The following DNAH14 variants were observed in gnomAD, a reference collection of about 807,000 sequenced individuals.
DNAH14 encodes axonemal beta dynein heavy chain 14.
Under a neutral mutation model 520.9 loss-of-function variants are expected in DNAH14, and 478 were observed. The ratio of observed to expected loss-of-function variants is 0.92; its 90% CI spans 0.85 to 0.99. DNAH14 has a LOEUF of 0.99. Ranked by LOEUF, DNAH14 falls within the 50% of genes least tolerant of loss-of-function variation. DNAH14 has a pLI of 0.00. For missense variants in DNAH14, 4,831 were observed against 5,234.5 expected (o/e 0.92, Z 2.38); for synonymous variants, 1,581 against 1,757.2 (o/e 0.90, Z 2.51).
At chr1:225,122,846 C>A (rs536267198) in intron 26 of DNAH14, among the ~76,000 whole-genome samples, 1 of 152,148 alleles carries the variant, frequency 6.6e-6, no homozygotes, top group Admixed American at 6.5e-5. Flanking sequence ...TACTTCATTT[C>A]AAATATTCAA....
chr1:225,220,352 G>A (rs1387701143), intron 41 of DNAH14, among the ~76,000 whole-genome samples: 1 of 152,138 alleles, frequency 6.6e-6, no homozygotes, highest in Non-Finnish European at 1.5e-5. Context: ...CAAATAGGAA[G>A]AGAGGATGTC....
At position 225,240,746 on chromosome 1, in the gene DNAH14, A is replaced by G. The variant is rs1272328592; in HGVS notation, c.6672A>G (p.Glu2224=). The G allele has an allele frequency of 6.4e-7, 1 of 1,550,584 alleles. No individual in the cohort carries two copies. Among genetic ancestry groups the G allele is most frequent in the Admixed American group, 2.0e-5 (1 of 51,002 alleles). Residue 2224 remains glutamate (E), a synonymous_variant, in exon 43 of 86, where the codon GAA becomes GAG. Transcript: ENST00000682510. The stretch of plus-strand genomic sequence containing the variant: ...ATATACCATTTTGTCCCAGTCTTGA[A>G]CCTGATTCTCTTGCAAAAGTAACAT... ...RENIPFCPSL[E]PDSLAKVTYD...
chr1:225,337,628 T>C, intron 67 of DNAH14, 132 bp downstream of exon 67: 1 of 698,138 alleles, frequency 1.4e-6, no homozygotes, highest in Non-Finnish European at 2.5e-6. Context: ...CACACATATA[T>C]ACTTACAGAC....
chr1:225,371,050 TAAG>T (rs1193559746), intron 77 of DNAH14, among the ~76,000 whole-genome samples: 1 of 152,144 alleles, frequency 6.6e-6, no homozygotes, highest in Non-Finnish European at 1.5e-5. Flanking sequence ...CTCTGAACGT[TAAG>T]AAACAGATAG....
At chr1:225,297,771 A>G (rs12734615) in intron 55 of DNAH14, among the ~76,000 whole-genome samples, 18,693 of 152,178 alleles carry the variant, frequency 0.12, 1,347 homozygotes, top group East Asian at 0.33. Context: ...GAATCAGCCA[A>G]TTTGGGATCT....
chr1:225,277,325 G>A, intron 53 of DNAH14, 85 bp from the exon 54 acceptor site: 1 of 401,240 alleles, frequency 2.5e-6, no homozygotes, highest in African/African-American at 2.1e-5. Flanking sequence ...TCTCCTTTCT[G>A]TAAGTAAATT....
intron 73 of DNAH14, among the ~76,000 whole-genome samples, chr1:225,356,138 T>C (rs551405524): frequency 6.6e-6 from 1 of 152,358 alleles, no homozygotes; most frequent in African/African-American, 2.4e-5. Context: ...CTTTTGGCTA[T>C]TGTGAACAAT....
In DNAH14 at chr1:225,276,011, C is replaced by A; in HGVS notation, c.8108C>A (p.Thr2703Asn). The A allele has an allele frequency of 2.4e-6, 1 of 409,956 alleles. No individual in the cohort carries two copies. The highest frequency in any genetic ancestry group is 1.9e-5 in the South Asian group (1 of 51,676). 25.4% of individuals were successfully genotyped at this position (409,956 alleles called of 1,614,324 possible). Residue 2703 changes from threonine (T) to asparagine (N), a missense_variant, in exon 53 of 86, where the codon ACC becomes AAC. Coordinates refer to ENST00000682510, the MANE Select transcript of DNAH14 (RefSeq NM_001367479.1). ...CATAGAAAAAAGATTTATCAGAATA[C>A]CAGTGACTATAATAAACTTGCCAGT... ...KTHRKKIYQN[T>N]SDYNKLASVL...
At chr1:225,009,035 A>T (rs962033880) in intron 10 of DNAH14, among the ~76,000 whole-genome samples, 1 of 152,070 alleles carries the variant, frequency 6.6e-6, no homozygotes, top group Non-Finnish European at 1.5e-5. Flanking sequence ...TAGATTGTAA[A>T]AATTTTCTCC....
At chr1:225,052,179 T>C (rs1209011752) in intron 17 of DNAH14, among the ~76,000 whole-genome samples, 1 of 152,190 alleles carries the variant, frequency 6.6e-6, no homozygotes, top group Non-Finnish European at 1.5e-5. Flanking sequence ...CTAAGATAAA[T>C]CTTTGAATAC....
chr1:224,973,230 C>T (rs1156972539), intron 7 of DNAH14, among the ~76,000 whole-genome samples: 1 of 152,202 alleles, frequency 6.6e-6, no homozygotes, highest in Non-Finnish European at 1.5e-5. Context: ...CCTCTTTCAG[C>T]CATCTTTGAT....
intron 73 of DNAH14, chr1:225,357,693 A>G (rs948543147): frequency 3.0e-6 from 2 of 673,412 alleles, no homozygotes; most frequent in African/African-American, 1.8e-5. Context: ...TGTGTTAAAC[A>G]TATTGCCAAT....
chr1:225,202,481 G>A (rs1842335), intron 38 of DNAH14, among the ~76,000 whole-genome samples: 4,012 of 152,206 alleles, frequency 0.026, 159 homozygotes, highest in African/African-American at 0.08. Context: ...GGGAAAGCCA[G>A]CAGTCACAGG....
Position 225,377,368 on chromosome 1 carries a change from G to A in DNAH14, c.12648G>A (p.Gln4216=). 1 of 1,551,244 alleles carries A rather than the reference G, an allele frequency of 6.4e-7. No homozygotes were observed. Among genetic ancestry groups the A allele is most frequent in the Non-Finnish European group, 8.7e-7 (1 of 1,146,796 alleles). ...CCATCAGGAGCTGCTGGGAGACCCA[G>A]GGCGAAAAGTTTATTGAAAATCTGA... ...PEAIRSCWET[Q]GEKFIENLIA... Residue 4216 remains glutamine, a synonymous_variant, in exon 79 of 86, where the codon CAG becomes CAA. Coordinates refer to ENST00000682510, the MANE Select transcript of DNAH14 (RefSeq NM_001367479.1).
rs980562680 is a variant in DNAH14, at chr1:225,257,545, C to CT, written c.6866-403dup. ...TACTTTTCTTTTCTTTTTTTTCTTT[C>CT]TTTTTTTTTTTTGAGACGGAGTCTC... On this transcript the variant is annotated intron_variant, in intron 44 of 85. Transcript: ENST00000682510. Among the ~76,000 whole-genome samples, 636 of 144,360 alleles carry CT rather than the reference C, an allele frequency of 4.4e-3. 5 individuals carry two copies. Among genetic ancestry groups the CT allele is most frequent in the East Asian group, 0.023 (115 of 4,958 alleles). 94.7% of individuals were successfully genotyped at this position (144,360 alleles called of 152,430 possible). A position where few individuals can be genotyped will look rare whatever the true frequency, so the allele number is the denominator to read the frequency against.
Position 225,247,090 on chromosome 1 carries a change from G to C in DNAH14, c.6749-5211G>C, listed in dbSNP as rs146245800. Among the ~76,000 whole-genome samples the C allele has an allele frequency of 2.0e-3, 304 of 152,306 alleles. 1 individual carries two copies. The highest frequency in any genetic ancestry group is 6.4e-3 in the African/African-American group (266 of 41,560). On this transcript the variant is annotated intron_variant, in intron 43 of 85. Coordinates refer to ENST00000682510, the MANE Select transcript of DNAH14 (RefSeq NM_001367479.1). ...TGTGCTTTGCAGGGACATGGTTGAG[G>C]CTGGAAGCCATCATTCTCAGCAAAC...
At chr1:224,985,426 A>G (rs561732627) in intron 8 of DNAH14, among the ~76,000 whole-genome samples, 26 of 152,240 alleles carry the variant, frequency 1.7e-4, no homozygotes, top group African/African-American at 6.0e-4. Context: ...AGGACACAAA[A>G]GCATAAGAAT....
chr1:225,393,820 T>G (rs12128047), intron 84 of DNAH14, among the ~76,000 whole-genome samples: 75,032 of 146,658 alleles, frequency 0.51, 21,109 homozygotes, highest in East Asian at 0.75. Context: ...TTTTGTTTTT[T>G]TTTTGTTTTT....
In DNAH14 at chr1:225,231,195, G is replaced by A. The variant is rs147834875; in HGVS notation, c.6518+44G>A. The A allele has an allele frequency of 3.7e-4, 492 of 1,346,232 alleles. 1 individual carries two copies. The African/African-American group carries it at 6.1e-3, about 17-fold the overall frequency. The allele number at this position is 1,346,232 out of a possible 1,614,324, so 83.4% of individuals were successfully genotyped here. A position where few individuals can be genotyped will look rare whatever the true frequency, so the allele number is the denominator to read the frequency against. ...GAAAACATGTTTTAATAACCATTAGGTGCCAGACCCTCAAATATGCACAGG... is the reference window on the plus strand; with the variant it reads ...GAAAACATGTTTTAATAACCATTAGATGCCAGACCCTCAAATATGCACAGG... On this transcript the variant is annotated intron_variant, in intron 42 of 85. Coordinates refer to ENST00000682510, the MANE Select transcript of DNAH14 (RefSeq NM_001367479.1).
Sources: allele counts gnomAD v4.1 joint callset (sites outside exome capture counted in the v4.1 genomes callset), GRCh38; gene constraint gnomAD v4.1.1; transcripts MANE v1.5; gene names NCBI Gene and HGNC (gene_info 2026-07-23, HGNC 2026-07-21).